IQUB: variants seen among roughly 807,000 people sequenced by gnomAD.
The protein encoded by IQUB is IQ motif and ubiquitin-like domain-containing protein.
In IQUB, 86 loss-of-function variants were observed where a neutral mutation model predicts 86.4. That is an observed-to-expected ratio of 1.00 (90% CI 0.84 to 1.19). The LOEUF is 1.19. Among genes scored for constraint, IQUB ranks in the 50% most tolerant of loss-of-function variants. The pLI is 0.00. For synonymous variants in IQUB, 289 were observed against 304.5 expected, an observed-to-expected ratio of 0.95 and a Z score of 0.53; for missense variants, 946 against 916.9, an observed-to-expected ratio of 1.03 and a Z score of -0.41.
At chr7:123,481,109 A>T (rs1259257746) in intron 7 of IQUB, among the ~76,000 whole-genome samples, 2 of 152,150 alleles carry the variant, frequency 1.3e-5, no homozygotes, top group African/African-American at 4.8e-5. Flanking sequence ...TTAAGAAAGT[A>T]TCCTTCTCTT....
At chr7:123,500,232 T>C (rs918021717) in intron 6 of IQUB, among the ~76,000 whole-genome samples, 11 of 152,234 alleles carry the variant, frequency 7.2e-5, no homozygotes, top group African/African-American at 2.7e-4. Context: ...CTTTATTCTA[T>C]GGACTTGCCC....
At position 123,506,256 on chromosome 7, in the gene IQUB, T is replaced by A. The variant is rs561440449; in HGVS notation, c.533-2893A>T. Reference sequence around the variant, plus strand: ...CTAGGAAGCTCCAAACTTTCCCTCATCTTCCTGTCTTCTTCAAAGGCCTCC... The same window carrying A: ...CTAGGAAGCTCCAAACTTTCCCTCAACTTCCTGTCTTCTTCAAAGGCCTCC... On this transcript the variant is annotated intron_variant, in intron 3 of 12. Transcript: ENST00000324698. Among the ~76,000 whole-genome samples the A allele has an allele frequency of 7.2e-5, 11 of 152,300 alleles. No homozygotes were observed. The East Asian group carries it at 2.1e-3, about 29-fold the overall frequency.
intron 7 of IQUB, among the ~76,000 whole-genome samples, chr7:123,496,085 G>A (rs1402126409): frequency 1.3e-5 from 2 of 152,048 alleles, no homozygotes; most frequent in Admixed American, 6.6e-5. Flanking sequence ...CCAAAGGTGG[G>A]CAATGGAGAA....
At position 123,479,794 on chromosome 7, in the gene IQUB, C is replaced by G; in HGVS notation, c.1410+1G>C. 6.2e-7 allele frequency: 1 copy of G among 1,608,934 alleles called. No homozygotes were observed. The highest frequency in any genetic ancestry group is 8.5e-7 in the Non-Finnish European group (1 of 1,176,696). ...ATTTAAATAGTAGTCACTTCACTAACCTTATCCAAAAAAGCTTGTATTGCT... is the reference window on the plus strand; with the variant it reads ...ATTTAAATAGTAGTCACTTCACTAAGCTTATCCAAAAAAGCTTGTATTGCT... On this transcript the variant is annotated splice_donor_variant, in intron 8 of 12. Transcript: ENST00000324698. LOFTEE classifies it high-confidence loss of function.
At chr7:123,456,360 T>G (rs1793697010) in intron 12 of IQUB, among the ~76,000 whole-genome samples, 1 of 152,098 alleles carries the variant, frequency 6.6e-6, no homozygotes, top group South Asian at 2.1e-4. Context: ...ATGCTTCCTG[T>G]GATTAAATAT....
At chr7:123,499,647 A>C in intron 6 of IQUB, among the ~76,000 whole-genome samples, 1 of 152,204 alleles carries the variant, frequency 6.6e-6, no homozygotes, top group Admixed American at 6.5e-5. Flanking sequence ...AAATGAAGAA[A>C]AGCCTAGTAA....
At chr7:123,518,531 A>G (rs1796755478) in intron 1 of IQUB, among the ~76,000 whole-genome samples, 1 of 151,924 alleles carries the variant, frequency 6.6e-6, no homozygotes, top group African/African-American at 2.4e-5. Context: ...CCCACCTTTT[A>G]CCATATCTAG....
At chr7:123,470,903 T>C (rs575058619) in intron 8 of IQUB, among the ~76,000 whole-genome samples, 11 of 152,224 alleles carry the variant, frequency 7.2e-5, no homozygotes, top group African/African-American at 2.4e-4. Flanking sequence ...GAGGGAATTT[T>C]AGTTGTAACA....
chr7:123,517,518 G>A (rs1181385191), intron 1 of IQUB, among the ~76,000 whole-genome samples: 13 of 99,850 alleles, frequency 1.3e-4, no homozygotes, highest in East Asian at 1.0e-3. Flanking sequence ...GTGACAGAGC[G>A]AGACTCCATC....
intron 3 of IQUB, among the ~76,000 whole-genome samples, chr7:123,505,156 G>T (rs141972396): frequency 6.6e-6 from 1 of 152,276 alleles, no homozygotes; most frequent in East Asian, 1.9e-4. Context: ...CAAGGGGTGG[G>T]CCCCCAAGGC....
chr7:123,517,337 C>G (rs1380510466), intron 1 of IQUB, among the ~76,000 whole-genome samples: 3 of 151,760 alleles, frequency 2.0e-5, no homozygotes. Context: ...CGAGACCATC[C>G]TGGCTAACAC....
chr7:123,483,146 T>G (rs1394586013), intron 7 of IQUB, among the ~76,000 whole-genome samples: 1 of 152,104 alleles, frequency 6.6e-6, no homozygotes, highest in African/African-American at 2.4e-5. Flanking sequence ...TCCTTGCACT[T>G]CCACAAGCAG....
At chr7:123,499,474 T>C (rs548515023) in intron 6 of IQUB, among the ~76,000 whole-genome samples, 104 of 152,222 alleles carry the variant, frequency 6.8e-4, no homozygotes, top group African/African-American at 2.5e-3. Context: ...CAGAAATTCA[T>C]AAAAACATAA....
chr7:123,511,243 C>G (rs1185128276), intron 2 of IQUB, among the ~76,000 whole-genome samples: 1 of 152,106 alleles, frequency 6.6e-6, no homozygotes, highest in Non-Finnish European at 1.5e-5. Flanking sequence ...GTTCTCCACT[C>G]TGTAGGCAGA....
chr7:123,523,547 G>A (rs1797017557), intron 1 of IQUB, among the ~76,000 whole-genome samples: 1 of 152,056 alleles, frequency 6.6e-6, no homozygotes. Flanking sequence ...TTTTGATGGG[G>A]TAGTTTGTTT....
rs1795724388 is a variant in IQUB, at chr7:123,496,775, T to C, written c.1155A>G (p.Glu385=). The C allele has an allele frequency of 1.2e-6, 2 of 1,611,588 alleles. No individual in the cohort carries two copies. The highest frequency in any genetic ancestry group is 3.3e-5 in the Admixed American group (2 of 59,846). ...TCCGGTGATAGTCCAATTTTATCCA[T>C]TCTTCTTTTTCTCTTATCTTCCTTA... The part of the protein sequence containing the change: ...QELRKIREKE[E]WIKLDYHRRH... Residue 385 remains glutamate, a synonymous_variant, in exon 7 of 13, where the codon GAA becomes GAG. Transcript: ENST00000324698.
At position 123,493,362 on chromosome 7, in the gene IQUB, G is replaced by A. The variant is rs77599228; in HGVS notation, c.1234+3334C>T. On this transcript the variant is annotated intron_variant, in intron 7 of 12. Coordinates refer to ENST00000324698, the MANE Select transcript of IQUB (RefSeq NM_178827.5). ...AAATCTCTCCTAGCCCTTCTTATATGTTTTATCTTGCTAAGTGACCCATGA... is the reference window on the plus strand; with the variant it reads ...AAATCTCTCCTAGCCCTTCTTATATATTTTATCTTGCTAAGTGACCCATGA... Among the ~76,000 whole-genome samples the A allele has an allele frequency of 6.9e-3, 1,057 of 152,134 alleles. 18 individuals are homozygous for A. The highest frequency in any genetic ancestry group is 0.024 in the African/African-American group (989 of 41,500).
chr7:123,506,032 T>C (rs2117225467), intron 3 of IQUB, among the ~76,000 whole-genome samples: 1 of 152,288 alleles, frequency 6.6e-6, no homozygotes, highest in East Asian at 1.9e-4. Context: ...ATACCCTAAA[T>C]CACCACTTTC....
intron 12 of IQUB, among the ~76,000 whole-genome samples, chr7:123,454,376 T>C (rs1454490857): frequency 2.0e-5 from 3 of 152,064 alleles, no homozygotes; most frequent in Admixed American, 6.6e-5. Flanking sequence ...TATATTTCCA[T>C]ATTATATTAT....
Sources: gnomAD v4.1 joint callset for allele counts (sites outside exome capture counted in the v4.1 genomes callset) on GRCh38, gnomAD v4.1.1 for gene constraint, MANE v1.5 for transcripts, NCBI Gene and HGNC (gene_info 2026-07-23, HGNC 2026-07-21) for gene names.